Variants in RASSF5 observed in about 807,000 individuals in gnomAD.
RASSF5 encodes the protein ras association domain-containing protein 5.
RASSF5 carries 25 observed loss-of-function variants against 40.5 expected under a neutral mutation model. The ratio of observed to expected loss-of-function variants is 0.62; its 90% CI spans 0.45 to 0.86. RASSF5 has a LOEUF of 0.86. Ranked by LOEUF, RASSF5 falls within the 40% of genes least tolerant of loss-of-function variation. RASSF5 has a pLI of 0.00. For missense variants in RASSF5, 521 were observed against 572.8 expected, an observed-to-expected ratio of 0.91 and a Z score of 0.92; for synonymous variants, 246 against 252.4, an observed-to-expected ratio of 0.97 and a Z score of 0.24.
At chr1:206,581,691 T>C (rs1437779345) in intron 2 of RASSF5, among the ~76,000 whole-genome samples, 1 of 147,854 alleles carries the variant, frequency 6.8e-6, no homozygotes, top group African/African-American at 2.6e-5. Flanking sequence ...GAAAGGAGGA[T>C]GTCAGCTGTG....
chr1:206,518,833 C>T (rs782214034), intron 1 of RASSF5, among the ~76,000 whole-genome samples: 10 of 150,770 alleles, frequency 6.6e-5, no homozygotes, highest in Non-Finnish European at 1.5e-4. Context: ...TAGGGCCAAG[C>T]GGTCGTCTTA....
At chr1:206,548,395 A>G (rs1468348218) in intron 2 of RASSF5, among the ~76,000 whole-genome samples, 1 of 152,126 alleles carries the variant, frequency 6.6e-6, no homozygotes, top group Non-Finnish European at 1.5e-5. Context: ...CCAGAGAGAG[A>G]GGAGGAGGCG....
intron 2 of RASSF5, among the ~76,000 whole-genome samples, chr1:206,550,003 T>C (rs1200698973): frequency 1.3e-5 from 2 of 152,202 alleles, no homozygotes; most frequent in Non-Finnish European, 2.9e-5. Flanking sequence ...TCCATTCAGT[T>C]ACTCTGTCCT....
intron 2 of RASSF5, among the ~76,000 whole-genome samples, chr1:206,578,971 G>T (rs1389865207): frequency 6.6e-6 from 1 of 152,190 alleles, no homozygotes; most frequent in African/African-American, 2.4e-5. Context: ...GACGAAAGGG[G>T]TATGGTCCTC....
At chr1:206,567,962 C>T (rs1553403643) in intron 2 of RASSF5, among the ~76,000 whole-genome samples, 1 of 152,148 alleles carries the variant, frequency 6.6e-6, no homozygotes, top group African/African-American at 2.4e-5. Flanking sequence ...TAGTAAGTGG[C>T]AGATCCTGAA....
chr1:206,584,479 C>G lies in RASSF5; in HGVS notation c.783C>G (p.Ile261Met), dbSNP rs782647521. The G allele has an allele frequency of 5.6e-6, 9 of 1,614,082 alleles. No homozygotes were observed. The African/African-American group carries it at 6.7e-5, about 12-fold the overall frequency. ...CTGCTGGGATCCGGCCCCAGTCCAT[C>G]TATGATGCCATCAAGGAGGTGAACC... is the stretch of plus-strand genomic sequence containing the variant. The part of the protein sequence containing the change: ...TVPAGIRPQS[I>M]YDAIKEVNLA... Residue 261 changes from isoleucine (I) to methionine (M), a missense_variant, in exon 4 of 6, where the codon ATC (isoleucine) becomes ATG (methionine). By Grantham distance (10) the Ile-to-Met change is conservative. Transcript: ENST00000579436. This position sits in a 1 kb window ranked among gnomAD's most constrained non-coding sequence, Gnocchi z 4.9.
intron 2 of RASSF5, chr1:206,557,529 G>C: frequency 1.9e-6 from 3 of 1,609,846 alleles, no homozygotes; most frequent in Non-Finnish European, 2.5e-6. Flanking sequence ...CCCAAGCCCG[G>C]CCCCCTTGAT....
intron 2 of RASSF5, among the ~76,000 whole-genome samples, chr1:206,578,586 A>C (rs1472182929): frequency 6.6e-6 from 1 of 152,180 alleles, no homozygotes; most frequent in Non-Finnish European, 1.5e-5. Flanking sequence ...AAGACTGACA[A>C]ATTTAAAAAG....
intron 2 of RASSF5, among the ~76,000 whole-genome samples, chr1:206,562,612 T>C (rs1409864049): frequency 6.6e-6 from 1 of 152,110 alleles, no homozygotes; most frequent in Non-Finnish European, 1.5e-5. Context: ...CTCCTTCAGG[T>C]CCAACAACAT....
At position 206,523,125 on chromosome 1, in the gene RASSF5, T is replaced by C. The variant is rs185475968; in HGVS notation, c.458-15047T>C. On this transcript the variant is annotated intron_variant, in intron 1 of 5. Transcript: ENST00000579436. ...TTCAAGACTAGCCTGGCCAACATGG[T>C]GAAACCCTACCCTACTAAAAATACA... Among the ~76,000 whole-genome samples, 3 of 151,182 alleles carry C rather than the reference T, an allele frequency of 2.0e-5. No homozygotes were observed. In the South Asian group the frequency reaches 6.3e-4, roughly 32 times the overall value.
At chr1:206,553,369 GC>G (rs568201491) in intron 2 of RASSF5, among the ~76,000 whole-genome samples, 4 of 152,166 alleles carry the variant, frequency 2.6e-5, no homozygotes, top group Non-Finnish European at 4.4e-5. Flanking sequence ...GGTAACTGTG[GC>G]AATAAAAAGG....
intron 2 of RASSF5, among the ~76,000 whole-genome samples, chr1:206,576,991 T>TG (rs1301592985): frequency 1.3e-5 from 2 of 150,982 alleles, no homozygotes; most frequent in Non-Finnish European, 1.5e-5. Context: ...TTTTTTTTTT[T>TG]GTAGAGACAG....
intron 2 of RASSF5, among the ~76,000 whole-genome samples, chr1:206,574,027 C>A (rs1668545752): frequency 6.6e-6 from 1 of 152,210 alleles, no homozygotes; most frequent in Non-Finnish European, 1.5e-5. Flanking sequence ...GACCTTGAAC[C>A]CTTCAGGGCA....
chr1:206,546,160 G>T, intron 2 of RASSF5, among the ~76,000 whole-genome samples: 1 of 117,424 alleles, frequency 8.5e-6, no homozygotes, highest in African/African-American at 3.2e-5. Flanking sequence ...CCAGGATGGA[G>T]TGCAGTGACA....
chr1:206,585,334 C>A, intron 5 of RASSF5, 39 bp downstream of exon 5: 1 of 1,498,422 alleles, frequency 6.7e-7, no homozygotes, highest in Non-Finnish European at 9.3e-7. Context: ...GGCCTTAGGG[C>A]ACCCTGGGTG....
Position 206,579,636 on chromosome 1 carries a change from G to C in RASSF5, c.580-3633G>C, listed in dbSNP as rs1301374682. Among the ~76,000 whole-genome samples, 2 of 152,018 alleles carry C rather than the reference G, an allele frequency of 1.3e-5. No homozygotes were observed. Among genetic ancestry groups the C allele is most frequent in the Admixed American group, 1.3e-4 (2 of 15,272 alleles). Reference sequence around the variant, plus strand: ...TCTATTTCAGTTCTTTTCGAATGTTGCTGCGAATTAAAATCAACTAGGAGA... The same window carrying C: ...TCTATTTCAGTTCTTTTCGAATGTTCCTGCGAATTAAAATCAACTAGGAGA... On this transcript the variant is annotated intron_variant, in intron 2 of 5. Transcript: ENST00000579436. The surrounding 1 kb of genome is among the most constrained non-coding windows in gnomAD (Gnocchi z 4.2).
At position 206,510,705 on chromosome 1, in the gene RASSF5, T is replaced by C. The variant is rs372020449; in HGVS notation, c.457+2646T>C. ...CTAGAAATGCCACTCCTACCTGATGTCCTGCTGTGGCTGAGGAGACCCTTC... is the reference window on the plus strand; with the variant it reads ...CTAGAAATGCCACTCCTACCTGATGCCCTGCTGTGGCTGAGGAGACCCTTC... On this transcript the variant is annotated intron_variant, in intron 1 of 5. Coordinates refer to ENST00000579436, the MANE Select transcript of RASSF5 (RefSeq NM_182663.4). Among the ~76,000 whole-genome samples, 12 of 152,314 alleles carry C rather than the reference T, an allele frequency of 7.9e-5. No homozygotes were observed. In the East Asian group the frequency reaches 1.2e-3, roughly 15 times the overall value.
intron 1 of RASSF5, among the ~76,000 whole-genome samples, chr1:206,524,399 A>C (rs1331034632): frequency 7.1e-6 from 1 of 141,224 alleles, no homozygotes; most frequent in Non-Finnish European, 1.5e-5. Flanking sequence ...TATTATAGAT[A>C]CCATATGTAA....
rs1553394941 is a variant in RASSF5 at position 206,513,386 on chromosome 1, G to A, written c.457+5327G>A. On this transcript the variant is annotated intron_variant, in intron 1 of 5. Transcript: ENST00000579436. The surrounding 1 kb of genome is among the most constrained non-coding windows in gnomAD (Gnocchi z 5.0). ...GCAAGGTGAGTATTCTTGGGTGGGT[G>A]AGTATTTGTGGGTGTGCAAAGCATG... Among the ~76,000 whole-genome samples, 2 of 152,216 alleles carry A rather than the reference G, an allele frequency of 1.3e-5. No homozygotes were observed. Among genetic ancestry groups the A allele is most frequent in the African/African-American group, 2.4e-5 (1 of 41,462 alleles).
Sources: allele counts gnomAD v4.1 joint callset (sites outside exome capture counted in the v4.1 genomes callset), GRCh38; gene constraint gnomAD v4.1.1; non-coding constraint Gnocchi (gnomAD v3.1); transcripts MANE v1.5; gene names NCBI Gene and HGNC (gene_info 2026-07-23, HGNC 2026-07-21).